The following LIMA1 variants were observed in gnomAD, a reference collection of about 807,000 sequenced individuals.
LIMA1 encodes LIM domain and actin binding 1, also known as LIM domain and actin-binding protein 1.
In LIMA1, 52 loss-of-function variants were observed where a neutral mutation model predicts 62.6. That is an observed-to-expected ratio of 0.83 (90% CI 0.67 to 1.05). LIMA1 has a LOEUF of 1.05. Among genes scored for constraint, LIMA1 ranks in the 50% least tolerant of loss-of-function variants. The pLI is 0.00. For missense variants in LIMA1, 780 were observed against 902.2 expected (o/e 0.86, Z 1.74); for synonymous variants, 302 against 317.8 (o/e 0.95, Z 0.53).
intron 9 of LIMA1, chr12:50,190,011 A>ATTTTTTT (rs35145805): frequency 1.4e-5 from 1 of 72,750 alleles, no homozygotes. Context: ...TGCCTGGCCA[A>ATTTTTTT]TTTTTTTTTT....
At chr12:50,239,072 A>G (rs1403846195) in intron 2 of LIMA1, among the ~76,000 whole-genome samples, 1 of 152,234 alleles carries the variant, frequency 6.6e-6, no homozygotes, top group Non-Finnish European at 1.5e-5. Context: ...GCTGTCTACT[A>G]TGTTCCAAGC....
rs189927328 is a variant in LIMA1, at chr12:50,250,911, C to T, written c.-23-2137G>A. Reference sequence around the variant, plus strand: ...TAAATAAGATAAAGAAGAAAAGACCCTGATACAGAATAAGTAAGCAATAAA... The same window carrying T: ...TAAATAAGATAAAGAAGAAAAGACCTTGATACAGAATAAGTAAGCAATAAA... On this transcript the variant is annotated intron_variant, in intron 1 of 10. Transcript: ENST00000341247. Among the ~76,000 whole-genome samples the T allele has an allele frequency of 6.4e-4, 97 of 152,232 alleles. 2 individuals are homozygous for T. Among genetic ancestry groups the T allele is most frequent in the African/African-American group, 2.3e-3 (95 of 41,534 alleles).
intron 2 of LIMA1, among the ~76,000 whole-genome samples, chr12:50,236,081 C>T (rs1449589504): frequency 6.6e-6 from 1 of 151,798 alleles, no homozygotes; most frequent in Non-Finnish European, 1.5e-5. Flanking sequence ...ACGAGAATCG[C>T]CTGAACCCGG....
intron 10 of LIMA1, 115 bp from the exon 11 acceptor site, chr12:50,178,184 A>G: frequency 1.3e-6 from 1 of 774,192 alleles, no homozygotes; most frequent in East Asian, 3.0e-5. Flanking sequence ...TAAGAAAAAG[A>G]TCTTTAAAAG....
intron 4 of LIMA1, among the ~76,000 whole-genome samples, chr12:50,209,874 G>A (rs1359134362): frequency 6.6e-6 from 1 of 152,022 alleles, no homozygotes; most frequent in East Asian, 1.9e-4. Context: ...TGTTGGTCAA[G>A]CTGGTCTGAA....
Position 50,203,166 on chromosome 12 carries a change from C to T in LIMA1, c.864+1386G>A, listed in dbSNP as rs1275641597. 2.7e-5 allele frequency among the ~76,000 whole-genome samples: 4 copies of T among 149,434 alleles called. No individual in the cohort carries two copies. The South Asian group carries it at 8.5e-4, about 32-fold the overall frequency. The stretch of plus-strand genomic sequence containing the variant: ...CTGGGATTACAGGTGTGTGCCACTA[C>T]ACCTGGCTAATTTTTTTTTTGTATT... On this transcript the variant is annotated intron_variant, in intron 6 of 10. Transcript: ENST00000341247.
At chr12:50,204,779 G>T in intron 5 of LIMA1, 79 bp from the exon 6 acceptor site, 2 of 1,395,002 alleles carry the variant, frequency 1.4e-6, no homozygotes, top group Non-Finnish European at 2.0e-6. Flanking sequence ...AAGTGCAGTG[G>T]CACGATCATA....
intron 4 of LIMA1, among the ~76,000 whole-genome samples, chr12:50,218,910 C>CAA (rs1941396816): frequency 1.5e-5 from 1 of 64,952 alleles, no homozygotes; most frequent in African/African-American, 6.2e-5. Context: ...AAAAAAAAAA[C>CAA]AAAAACAAAA....
chr12:50,222,316 G>A lies in LIMA1; in HGVS notation c.335C>T (p.Ala112Val), dbSNP rs1439661417. The change falls in exon 4 of 11, where the codon GCT becomes GTT. Residue 112 changes from alanine to valine, a missense_variant. Physicochemically the swap from Ala to Val is moderately conservative, Grantham distance 64. Coordinates refer to ENST00000341247, the MANE Select transcript of LIMA1 (RefSeq NM_016357.5). ...DHPPAEVTSH[A>V]ASGAKADQEE... is the part of the protein sequence containing the mutation. The stretch of plus-strand genomic sequence containing the variant: ...TTGGTCAGCTTTGGCTCCAGAAGCA[G>A]CGTGGCTTGTCACTTCAGCAGGAGG... The A allele has an allele frequency of 1.2e-6, 2 of 1,614,160 alleles. No homozygotes were observed. The highest frequency in any genetic ancestry group is 1.7e-5 in the Admixed American group (1 of 59,996).
Position 50,206,184 on chromosome 12 carries a change from T to C in LIMA1, c.631-116A>G, listed in dbSNP as rs555147565. On this transcript the variant is annotated intron_variant, in intron 4 of 10. Coordinates refer to ENST00000341247, the MANE Select transcript of LIMA1 (RefSeq NM_016357.5). ...TCCAGATTTGATTTTATATTTTATA[T>C]TCTATAGAATTTTTTTTAAATTACA... 118 of 739,330 alleles carry C rather than the reference T, an allele frequency of 1.6e-4. No homozygotes were observed. In the African/African-American group the frequency reaches 1.8e-3, roughly 11 times the overall value. The allele number at this position is 739,330 out of a possible 1,614,324, so 45.8% of individuals were successfully genotyped here.
At chr12:50,265,063 A>T (rs1942121819) in intron 1 of LIMA1, among the ~76,000 whole-genome samples, 1 of 151,406 alleles carries the variant, frequency 6.6e-6, no homozygotes, top group Non-Finnish European at 1.5e-5. Context: ...TGAAGTGGGA[A>T]GATTGCCTGA....
rs1246095593 is a variant in LIMA1 at position 50,177,133 on chromosome 12, G to A, written c.2211C>T (p.Val737=). 4 of 1,612,764 alleles carry A rather than the reference G, an allele frequency of 2.5e-6. No individual in the cohort carries two copies. The highest frequency in any genetic ancestry group is 3.4e-6 in the Non-Finnish European group (4 of 1,179,664). Residue 737 remains valine (V), a synonymous_variant, in exon 11 of 11, where the codon GTC becomes GTT. Coordinates refer to ENST00000341247, the MANE Select transcript of LIMA1 (RefSeq NM_016357.5). ...QDVELWEGEV[V]KELSVEEQIK... ...TCTGTTCTTCCACAGAGAGCTCTTTGACCACTTCTCCCTCCCAGAGTTCCA... is the reference window on the plus strand; with the variant it reads ...TCTGTTCTTCCACAGAGAGCTCTTTAACCACTTCTCCCTCCCAGAGTTCCA...
At chr12:50,196,001 G>A in intron 7 of LIMA1, 114 bp from the exon 8 acceptor site, 1 of 1,073,680 alleles carries the variant, frequency 9.3e-7, no homozygotes, top group South Asian at 1.7e-5. Flanking sequence ...TCAGTCACTG[G>A]CTGCCTAGGG....
rs1255520197 is a variant in LIMA1, at chr12:50,263,857, G to GAGAGTA, written c.-23-15084_-23-15083insTACTCT. ...GAGTATATATATATATATATAGAGA[G>GAGAGTA]TATATATATATATATATATAAAGTA... On this transcript the variant is annotated intron_variant, in intron 1 of 10. Coordinates refer to ENST00000341247, the MANE Select transcript of LIMA1 (RefSeq NM_016357.5). Among the ~76,000 whole-genome samples the GAGAGTA allele has an allele frequency of 4.9e-4, 62 of 125,680 alleles. 1 individual carries two copies. The highest frequency in any genetic ancestry group is 1.9e-3 in the African/African-American group (60 of 31,924). The allele number at this position is 125,680 out of a possible 152,430, so 82.5% of individuals were successfully genotyped here. A position where few individuals can be genotyped will look rare whatever the true frequency, so the allele number is the denominator to read the frequency against.
intron 1 of LIMA1, among the ~76,000 whole-genome samples, chr12:50,251,619 C>A (rs1941931570): frequency 8.2e-6 from 1 of 121,380 alleles, no homozygotes. Context: ...AATGAGACTC[C>A]ACCTCAAAAA....
rs766641034 is a variant in LIMA1, at chr12:50,175,925, T to G, written c.*1139A>C. The G allele has an allele frequency of 3.3e-5, 5 of 152,148 alleles. No individual in the cohort carries two copies. The highest frequency in any genetic ancestry group is 4.8e-5 in the African/African-American group (2 of 41,438). 9.4% of individuals were successfully genotyped at this position (152,148 alleles called of 1,614,324 possible). On this transcript the variant is annotated 3_prime_UTR_variant, in exon 11 of 11. Transcript: ENST00000341247. ...GCAGTACAAAGAAAAGCCTACAGCT[T>G]AAGACACCTCTCCCTCCCATCCATA...
intron 7 of LIMA1, among the ~76,000 whole-genome samples, chr12:50,199,268 T>C (rs1288244297): frequency 1.3e-5 from 2 of 151,030 alleles, no homozygotes; most frequent in African/African-American, 4.9e-5. Context: ...GAGATGGAGG[T>C]TGTAGTGAGC....
chr12:50,230,059 G>C (rs563258917), intron 3 of LIMA1: 1 of 152,268 alleles, frequency 6.6e-6, no homozygotes, highest in Admixed American at 6.5e-5. Flanking sequence ...TTTTGAGACG[G>C]GGTCTCACTC....
chr12:50,188,191 C>T (rs911982850), intron 9 of LIMA1: 6 of 152,138 alleles, frequency 3.9e-5, no homozygotes, highest in Non-Finnish European at 8.8e-5. Context: ...AACAGACAGG[C>T]ACTAAGAAAC....
Sources: gnomAD v4.1 joint callset for allele counts (sites outside exome capture counted in the v4.1 genomes callset) on GRCh38, gnomAD v4.1.1 for gene constraint, MANE v1.5 for transcripts, NCBI Gene and HGNC (gene_info 2026-07-23, HGNC 2026-07-21) for gene names.